FKBP15: variants seen among roughly 807,000 people sequenced by gnomAD.
The protein encoded by FKBP15 is FKBP prolyl isomerase family member 15, also known as FK506-binding protein 15.
FKBP15 carries 106 observed loss-of-function variants against 158.1 expected under a neutral mutation model. The observed-to-expected ratio is 0.67, with a 90% CI of 0.57 to 0.79. The LOEUF (loss-of-function observed/expected upper bound fraction) is 0.79. Among genes scored for constraint, FKBP15 ranks in the 30% least tolerant of loss-of-function variants. The probability of loss-of-function intolerance (pLI) is 0.00; values close to 1 mark genes in which losing one functional copy is unlikely to be tolerated. For missense variants in FKBP15, 1,287 were observed against 1,479.1 expected (o/e 0.87, Z 2.13); for synonymous variants, 547 against 548.6 (o/e 1.00, Z 0.04).
intron 9 of FKBP15, among the ~76,000 whole-genome samples, chr9:113,195,217 C>T (rs1197683501): frequency 6.6e-6 from 1 of 152,084 alleles, no homozygotes; most frequent in Non-Finnish European, 1.5e-5. Flanking sequence ...TAATATATAC[C>T]ATTAAATTTC....
chr9:113,187,638 T>C (rs1830507445), intron 14 of FKBP15, 155 bp downstream of exon 14: 5 of 633,874 alleles, frequency 7.9e-6, no homozygotes, highest in Non-Finnish European at 1.4e-5. Context: ...TTGCCTGGTT[T>C]AGAGATGAGA....
At chr9:113,178,601 A>T in intron 20 of FKBP15, 29 bp downstream of exon 20, 1 of 1,560,688 alleles carries the variant, frequency 6.4e-7, no homozygotes, top group Non-Finnish European at 8.7e-7. Context: ...AAATGGCAAC[A>T]ATCCCAGCAT....
chr9:113,193,115 G>A (rs1384336083), intron 11 of FKBP15, among the ~76,000 whole-genome samples: 1 of 152,152 alleles, frequency 6.6e-6, no homozygotes, highest in Non-Finnish European at 1.5e-5. Flanking sequence ...GAGGATCACA[G>A]AAGTTAGACA....
rs572313532 is a variant in FKBP15 at position 113,169,402 on chromosome 9, C to T, written c.3307G>A (p.Glu1103Lys). Reference sequence around the variant, plus strand: ...CCTAAGGCCAGTGGGTCCCCCTCCTCGGGGTCTGAAGTCAGGGACAGTCTT... The same window carrying T: ...CCTAAGGCCAGTGGGTCCCCCTCCTTGGGGTCTGAAGTCAGGGACAGTCTT... ...STRLSLTSDP[E>K]EGDPLALGPE... is the part of the protein sequence containing the mutation. The change falls in exon 26 of 28, where the codon GAG becomes AAG. Residue 1103 changes from glutamate to lysine, a missense_variant. Coordinates refer to ENST00000238256, the MANE Select transcript of FKBP15 (RefSeq NM_015258.2). 9.9e-6 allele frequency: 16 copies of T among 1,613,904 alleles called. No individual in the cohort carries two copies. The highest frequency in any genetic ancestry group is 2.2e-5 in the East Asian group (1 of 44,892).
intron 6 of FKBP15, 47 bp downstream of exon 6, chr9:113,202,484 C>G: frequency 7.3e-7 from 1 of 1,366,040 alleles, no homozygotes; most frequent in Non-Finnish European, 1.0e-6. Flanking sequence ...TAAGGGAAAT[C>G]CAAACAAGTA....
Position 113,182,828 on chromosome 9 carries a change from T to C in FKBP15, c.1852A>G (p.Asn618Asp), listed in dbSNP as rs1319485281. 1.9e-6 allele frequency: 3 copies of C among 1,613,746 alleles called. No individual in the cohort carries two copies. The highest frequency in any genetic ancestry group is 2.5e-6 in the Non-Finnish European group (3 of 1,179,778). ...TTTTCTGTGGCTGTCTGAAGTGAGT[T>C]GTTCCTCTTCTCCATCATCAGGTTA... ...QSNLMMEKRN[N>D]SLQTATENTQ... The change falls in exon 19 of 28, where the codon AAC becomes GAC. Residue 618 changes from asparagine to aspartate, a missense_variant. Coordinates refer to ENST00000238256, the MANE Select transcript of FKBP15 (RefSeq NM_015258.2).
intron 26 of FKBP15, among the ~76,000 whole-genome samples, chr9:113,168,887 G>A (rs764222521): frequency 2.0e-5 from 3 of 152,114 alleles, no homozygotes; most frequent in Non-Finnish European, 4.4e-5. Context: ...TTTATGATAT[G>A]TAAGTATGTA....
intron 2 of FKBP15, 22 bp downstream of exon 2, chr9:113,211,455 G>C (rs750300545): frequency 6.3e-7 from 1 of 1,576,848 alleles, no homozygotes; most frequent in African/African-American, 1.3e-5. Context: ...CACCTCGCTC[G>C]GCTAATACAC....
At position 113,161,575 on chromosome 9, in the gene FKBP15, A is replaced by T; in HGVS notation, c.*4503T>A. 1 of 1,614,028 alleles carries T rather than the reference A, an allele frequency of 6.2e-7. No individual in the cohort carries two copies. Among genetic ancestry groups the T allele is most frequent in the Non-Finnish European group, 8.5e-7 (1 of 1,179,888 alleles). ...CTGTATGAAGGCATCAAGGTTGGCA[A>T]AGCCAAGCTGCTCAACCAGGTACTG... On this transcript the variant is annotated 3_prime_UTR_variant, in exon 28 of 28. Transcript: ENST00000238256.
At chr9:113,190,323 T>G (rs562170789) in intron 12 of FKBP15, 148 bp downstream of exon 12, 2 of 673,424 alleles carry the variant, frequency 3.0e-6, no homozygotes, top group Non-Finnish European at 5.1e-6. Context: ...TAGAAACACA[T>G]GTACCAATAC....
chr9:113,195,724 T>C (rs1444124213), intron 9 of FKBP15, among the ~76,000 whole-genome samples: 1 of 152,182 alleles, frequency 6.6e-6, no homozygotes, highest in Non-Finnish European at 1.5e-5. Context: ...ACAAACAGTA[T>C]AAAGCCAACA....
chr9:113,190,373 A>T, intron 12 of FKBP15, 98 bp downstream of exon 12: 1 of 972,730 alleles, frequency 1.0e-6, no homozygotes, highest in Non-Finnish European at 1.6e-6. Context: ...CTAAATAATG[A>T]TTCTGCCTTA....
At position 113,198,600 on chromosome 9, in the gene FKBP15, A is replaced by G. The variant is rs923001253; in HGVS notation, c.717+255T>C. ...AAACTCCATCTCCACTAAAAATACA[A>G]AATTAGCTGGGTGTGGTGGCGCATG... On this transcript the variant is annotated intron_variant, in intron 8 of 27. Transcript: ENST00000238256. The surrounding 1 kb of genome is among the most constrained non-coding windows in gnomAD (Gnocchi z 5.2). Among the ~76,000 whole-genome samples, 1 of 152,094 alleles carries G rather than the reference A, an allele frequency of 6.6e-6. No individual in the cohort carries two copies. Among genetic ancestry groups the G allele is most frequent in the African/African-American group, 2.4e-5 (1 of 41,404 alleles).
chr9:113,175,909 G>A (rs572651841), intron 21 of FKBP15, among the ~76,000 whole-genome samples: 26 of 152,264 alleles, frequency 1.7e-4, no homozygotes, highest in Non-Finnish European at 1.0e-4. Flanking sequence ...CTCACATACT[G>A]CTGAAAGTGT....
At chr9:113,207,958 T>C (rs996638965) in intron 2 of FKBP15, among the ~76,000 whole-genome samples, 9 of 152,182 alleles carry the variant, frequency 5.9e-5, no homozygotes, top group African/African-American at 1.7e-4. Context: ...AGCTATAATA[T>C]ATGAAAATAA....
chr9:113,206,525 T>C lies in FKBP15; in HGVS notation c.308A>G (p.Asn103Ser). The change falls in exon 4 of 28, where the codon AAC (asparagine) becomes AGC (serine). Residue 103 changes from asparagine to serine, a missense_variant. Coordinates refer to ENST00000238256, the MANE Select transcript of FKBP15 (RefSeq NM_015258.2). ...CACTCTCACCTCTCTGGCTGTGTGGTTCCCCAGAACTGCAGCACCAAATTT... is the reference window on the plus strand; with the variant it reads ...CACTCTCACCTCTCTGGCTGTGTGGCTCCCCAGAACTGCAGCACCAAATTT... The part of the protein sequence containing the change: ...QGKFGAAVLG[N>S]HTAREYRILL... 1 of 1,613,858 alleles carries C rather than the reference T, an allele frequency of 6.2e-7. No individual in the cohort carries two copies. Among genetic ancestry groups the C allele is most frequent in the Non-Finnish European group, 8.5e-7 (1 of 1,179,814 alleles).
At chr9:113,204,826 A>C (rs1830857549) in intron 4 of FKBP15, among the ~76,000 whole-genome samples, 1 of 152,164 alleles carries the variant, frequency 6.6e-6, no homozygotes, top group Admixed American at 6.5e-5. Flanking sequence ...ATTCTTATAG[A>C]TTCTAACTTT....
At chr9:113,209,231 T>C (rs1053579424) in intron 2 of FKBP15, among the ~76,000 whole-genome samples, 11 of 152,108 alleles carry the variant, frequency 7.2e-5, no homozygotes, top group African/African-American at 2.7e-4. Flanking sequence ...TGATGGCACC[T>C]GTGAATAGCC....
chr9:113,168,170 G>A (rs1291345184), intron 27 of FKBP15, among the ~76,000 whole-genome samples: 2 of 152,202 alleles, frequency 1.3e-5, no homozygotes. Flanking sequence ...TAAGGCTTCA[G>A]CATTCCAATG....
Sources: gnomAD v4.1 joint callset for allele counts (sites outside exome capture counted in the v4.1 genomes callset) on GRCh38, gnomAD v4.1.1 for gene constraint, Gnocchi (gnomAD v3.1) non-coding constraint, MANE v1.5 for transcripts, NCBI Gene and HGNC (gene_info 2026-07-23, HGNC 2026-07-21) for gene names.